RTP2: variants seen among roughly 807,000 people sequenced by gnomAD.
The protein encoded by RTP2 is receptor-transporting protein 2.
In RTP2, 12 loss-of-function variants were observed where a neutral mutation model predicts 17.9. The observed-to-expected ratio is 0.67, with a 90% CI of 0.43 to 1.09. RTP2 has a LOEUF of 1.09. RTP2 is among the 50% of genes least tolerant of loss of function. The pLI is 0.00. For synonymous variants in RTP2, 126 were observed against 117.7 expected (o/e 1.07, Z -0.46); for missense variants, 327 against 295.7 (o/e 1.11, Z -0.78).
At chr3:187,706,023 C>A (rs773178913), upstream of RTP2, among the ~76,000 whole-genome samples, 1 of 152,162 alleles carries the variant, frequency 6.6e-6, no homozygotes, top group East Asian at 1.9e-4. Flanking sequence ...CCAGAAGATA[C>A]ACAGTCAATA....
the RTP2 span, among the ~76,000 whole-genome samples, chr3:187,708,393 T>C: frequency 0.42 from 63,726 of 152,142 alleles, 15,159 homozygotes; most frequent in African/African-American, 0.66. Context: ...TAACAGTTAC[T>C]TAATCTGTGT....
the RTP2 span, among the ~76,000 whole-genome samples, chr3:187,712,914 A>T: frequency 1.3e-5 from 2 of 152,190 alleles, no homozygotes; most frequent in African/African-American, 4.8e-5. Flanking sequence ...GAGGGACGGT[A>T]AGTTTCCTGA....
At chr3:187,702,195 G>C in exon 1 of RTP2, 1 of 1,475,232 alleles carries the variant, frequency 6.8e-7, no homozygotes, top group Non-Finnish European at 9.2e-7. Flanking sequence ...GCACGGATAG[G>C]TACGGGACAA....
the RTP2 span, among the ~76,000 whole-genome samples, chr3:187,709,793 A>G: frequency 1.3e-5 from 2 of 152,236 alleles, no homozygotes; most frequent in Admixed American, 6.5e-5. Context: ...GAGGACATGC[A>G]TTGGCAACAT....
At chr3:187,699,833 T>C (rs931586143) in intron 1 of RTP2, among the ~76,000 whole-genome samples, 1 of 151,544 alleles carries the variant, frequency 6.6e-6, no homozygotes, top group Non-Finnish European at 1.5e-5. Flanking sequence ...TGGCGTAACC[T>C]GGGCTTTCTA....
exon 2 of RTP2, chr3:187,698,508 G>T: frequency 6.2e-7 from 1 of 1,608,104 alleles, no homozygotes; most frequent in Middle Eastern, 1.7e-4. Context: ...CTAAAAGAAG[G>T]CAGGACTGAG....
At chr3:187,707,165 G>A (rs926364029), upstream of RTP2, among the ~76,000 whole-genome samples, 2 of 152,206 alleles carry the variant, frequency 1.3e-5, no homozygotes, top group East Asian at 3.8e-4. Flanking sequence ...TGCTGGCTGA[G>A]TTCCAAGGGC....
chr3:187,713,593 T>G, the RTP2 span, among the ~76,000 whole-genome samples: 1 of 152,218 alleles, frequency 6.6e-6, no homozygotes, highest in African/African-American at 2.4e-5. Context: ...ACACCCTATG[T>G]AAATGAAGTA....
At chr3:187,713,870 T>C in the RTP2 span, among the ~76,000 whole-genome samples, 1 of 152,222 alleles carries the variant, frequency 6.6e-6, no homozygotes, top group Non-Finnish European at 1.5e-5. Flanking sequence ...TATTCAGTTC[T>C]AGGAAACCAG....
chr3:187,712,336 A>T, the RTP2 span, among the ~76,000 whole-genome samples: 1 of 152,192 alleles, frequency 6.6e-6, no homozygotes, highest in Non-Finnish European at 1.5e-5. Flanking sequence ...TTAAAAATTT[A>T]AAAAACTTTT....
the RTP2 span, among the ~76,000 whole-genome samples, chr3:187,707,689 G>T: frequency 2.0e-5 from 3 of 152,168 alleles, no homozygotes; most frequent in African/African-American, 7.2e-5. Context: ...TAGAGGGGAC[G>T]TGAAATTACT....
the RTP2 span, among the ~76,000 whole-genome samples, chr3:187,709,003 C>A: frequency 2.1e-5 from 3 of 146,052 alleles, no homozygotes; most frequent in Non-Finnish European, 4.5e-5. Flanking sequence ...TGGAGTAGAA[C>A]CTAGGCACAG....
exon 2 of RTP2, chr3:187,698,303 T>C (rs1004821834): frequency 1.4e-5 from 8 of 579,254 alleles, no homozygotes; most frequent in African/African-American, 1.3e-4. Context: ...CTTCCCCCAA[T>C]TATTGTCACA....
chr3:187,708,287 T>C, the RTP2 span, among the ~76,000 whole-genome samples: 2 of 152,230 alleles, frequency 1.3e-5, no homozygotes, highest in Non-Finnish European at 2.9e-5. Flanking sequence ...TGTGGATTTA[T>C]GCTGGTAAGC....
At chr3:187,700,090 T>A (rs1031762927) in intron 1 of RTP2, among the ~76,000 whole-genome samples, 1 of 152,214 alleles carries the variant, frequency 6.6e-6, no homozygotes, top group African/African-American at 2.4e-5. Flanking sequence ...CATTGTATGA[T>A]GGCCTTGAAG....
At chr3:187,707,651 ACAC>A in the RTP2 span, among the ~76,000 whole-genome samples, 2 of 152,298 alleles carry the variant, frequency 1.3e-5, no homozygotes, top group South Asian at 4.1e-4. Context: ...GGAGTTTTTA[ACAC>A]CCTGGCAAAG....
chr3:187,707,645 T>C, the RTP2 span, among the ~76,000 whole-genome samples: 3 of 151,834 alleles, frequency 2.0e-5, no homozygotes, highest in Non-Finnish European at 4.4e-5. Context: ...GATTATGGAG[T>C]TTTTAACACC....
the RTP2 span, among the ~76,000 whole-genome samples, chr3:187,714,630 G>A: frequency 6.6e-6 from 1 of 152,202 alleles, no homozygotes; most frequent in African/African-American, 2.4e-5. Context: ...AACAGCCTCA[G>A]AGAAAGCAGG....
intron 1 of RTP2, among the ~76,000 whole-genome samples, chr3:187,700,012 A>G (rs943808474): frequency 3.9e-5 from 6 of 152,184 alleles, no homozygotes; most frequent in Non-Finnish European, 8.8e-5. Context: ...CCTCTGTTAT[A>G]GAGGCTTCAC....
Sources: gnomAD v4.1 joint callset for allele counts (sites outside exome capture counted in the v4.1 genomes callset) on GRCh38, gnomAD v4.1.1 for gene constraint, MANE v1.5 for transcripts, NCBI Gene and HGNC (gene_info 2026-07-23, HGNC 2026-07-21) for gene names.